Variants in PCSK5 observed in about 807,000 individuals in gnomAD.
PCSK5 encodes the protein proprotein convertase subtilisin/kexin type 5, also known as prohormone convertase 5.
A neutral mutation model predicts 233.2 loss-of-function variants in PCSK5; 129 were observed. The observed-to-expected ratio is 0.55, with a 90% confidence interval of 0.48 to 0.64. The LOEUF is 0.64. Among genes scored for constraint, PCSK5 ranks in the 30% least tolerant of loss-of-function variants. The pLI, the probability that PCSK5 is intolerant of heterozygous loss-of-function variation, is 0.00. For synonymous variants in PCSK5, 825 were observed against 879.2 expected, an observed-to-expected ratio of 0.94 and a Z score of 1.09; for missense variants, 2,076 against 2,430.1, an observed-to-expected ratio of 0.85 and a Z score of 3.06.
chr9:75,926,512 C>A (rs1823496452), intron 1 of PCSK5, among the ~76,000 whole-genome samples: 1 of 152,154 alleles, frequency 6.6e-6, no homozygotes, highest in Non-Finnish European at 1.5e-5. Flanking sequence ...GGAGCTGTTT[C>A]CAGCACACAC....
intron 7 of PCSK5, among the ~76,000 whole-genome samples, chr9:76,094,371 G>A (rs1457437487): frequency 6.6e-6 from 1 of 152,128 alleles, no homozygotes; most frequent in Non-Finnish European, 1.5e-5. Flanking sequence ...TTTGTGACTT[G>A]GGTTCTCACT....
At chr9:76,171,913 T>C (rs1200307460) in intron 13 of PCSK5, among the ~76,000 whole-genome samples, 3 of 152,114 alleles carry the variant, frequency 2.0e-5, no homozygotes, top group Non-Finnish European at 2.9e-5. Flanking sequence ...TAAGGGACTT[T>C]GAGTGTCCTG....
At chr9:75,977,402 C>T (rs927686492) in intron 2 of PCSK5, among the ~76,000 whole-genome samples, 2 of 135,108 alleles carry the variant, frequency 1.5e-5, no homozygotes, top group African/African-American at 2.7e-5. Context: ...CACATATTTC[C>T]AGGTTCTTGA....
At chr9:76,248,377 A>T (rs762215285) in intron 24 of PCSK5, among the ~76,000 whole-genome samples, 4 of 152,184 alleles carry the variant, frequency 2.6e-5, no homozygotes, top group Non-Finnish European at 5.9e-5. Flanking sequence ...GATAATTCCA[A>T]CTCAATTAAT....
chr9:76,051,282 G>T (rs1829620247), intron 5 of PCSK5, among the ~76,000 whole-genome samples: 1 of 152,136 alleles, frequency 6.6e-6, no homozygotes, highest in Admixed American at 6.5e-5. Flanking sequence ...AGGAAAAAAA[G>T]ATTTTGTTAA....
chr9:76,262,641 G>T (rs1358062124), intron 24 of PCSK5, among the ~76,000 whole-genome samples: 1 of 151,290 alleles, frequency 6.6e-6, no homozygotes, highest in African/African-American at 2.4e-5. Flanking sequence ...ATGGATTAAA[G>T]ACTTAAACGT....
intron 6 of PCSK5, among the ~76,000 whole-genome samples, chr9:76,069,019 G>A (rs1467389543): frequency 1.3e-5 from 2 of 152,268 alleles, no homozygotes; most frequent in Non-Finnish European, 1.5e-5. Context: ...ATAGAACTAA[G>A]AAAAGGCTTT....
intron 5 of PCSK5, among the ~76,000 whole-genome samples, chr9:76,056,207 A>G (rs1829813351): frequency 6.6e-6 from 1 of 152,270 alleles, no homozygotes; most frequent in South Asian, 2.1e-4. Flanking sequence ...TTGATAACCT[A>G]TATGTATAAT....
At chr9:75,982,192 T>G (rs1054790763) in intron 2 of PCSK5, among the ~76,000 whole-genome samples, 4 of 152,240 alleles carry the variant, frequency 2.6e-5, no homozygotes, top group Non-Finnish European at 5.9e-5. Flanking sequence ...TGTACTTTAC[T>G]CCATCATACA....
chr9:76,040,373 C>CTGTCTG (rs1563988593), intron 5 of PCSK5, among the ~76,000 whole-genome samples: 18 of 67,464 alleles, frequency 2.7e-4, no homozygotes, highest in African/African-American at 1.3e-3. Flanking sequence ...CTCTCTCTCT[C>CTGTCTG]TCTCTCTCTC....
chr9:76,259,776 T>C (rs1827107340), intron 24 of PCSK5, among the ~76,000 whole-genome samples: 1 of 152,090 alleles, frequency 6.6e-6, no homozygotes, highest in African/African-American at 2.4e-5. Flanking sequence ...TGGTGAATGA[T>C]TTGAAAGCGC....
chr9:76,169,817 AGCT>A lies in PCSK5; in HGVS notation c.1734_1736del (p.Leu579del). 2 of 1,613,634 alleles carry A rather than the reference AGCT, an allele frequency of 1.2e-6. No individual in the cohort carries two copies. Among genetic ancestry groups the A allele is most frequent in the South Asian group, 1.1e-5 (1 of 91,064 alleles). ...CTTGAAGTTTATGATACTCCCTCTCAGCTAAGGAACTTTAAGACTCCAGGTGAG... is the reference window on the plus strand; with the variant it reads ...CTTGAAGTTTATGATACTCCCTCTCAAAGGAACTTTAAGACTCCAGGTGAG... On this transcript the variant is annotated inframe_deletion, in exon 13 of 38. Coordinates refer to ENST00000674117, the MANE Select transcript of PCSK5 (RefSeq NM_001372043.1).
chr9:76,141,564 T>C lies in PCSK5; in HGVS notation c.1312+7352T>C, dbSNP rs534440948. ...ACACAGGTATACATCCATGTGACCA[T>C]CACCACAGTCGAGTTATAGAAACCT... On this transcript the variant is annotated intron_variant, in intron 10 of 37. Transcript: ENST00000674117. 1.5e-3 allele frequency among the ~76,000 whole-genome samples: 234 copies of C among 152,260 alleles called. 1 individual carries two copies. In the South Asian group the frequency reaches 0.017, roughly 11 times the overall value.
intron 3 of PCSK5, among the ~76,000 whole-genome samples, chr9:76,005,449 C>T (rs1827435733): frequency 6.6e-6 from 1 of 152,114 alleles, no homozygotes; most frequent in South Asian, 2.1e-4. Context: ...ATACTATATA[C>T]ACACTTTTTT....
At chr9:76,051,907 A>G (rs1382288330) in intron 5 of PCSK5, among the ~76,000 whole-genome samples, 6 of 152,228 alleles carry the variant, frequency 3.9e-5, no homozygotes, top group African/African-American at 1.4e-4. Context: ...AGAGTTAGAA[A>G]GCTTGAAGAG....
chr9:76,310,677 C>T lies in PCSK5; in HGVS notation c.3710C>T (p.Ala1237Val), dbSNP rs774187431. 1.3e-6 allele frequency: 2 copies of T among 1,593,592 alleles called. No individual in the cohort carries two copies. The highest frequency in any genetic ancestry group is 1.7e-6 in the Non-Finnish European group (2 of 1,172,838). The part of the protein sequence containing the change: ...CPKGAYLLAQ[A>V]CVSSCPQGTW... ...CTAGGTGCATATCTTCTGGCTCAGG[C>T]CTGTGTTTCCTCCTGTCCCCAAGGC... The change falls in exon 30 of 38, where the codon GCC (alanine) becomes GTC (valine). Residue 1237 changes from alanine (A) to valine (V), a missense_variant. Ala to Val is a moderately conservative substitution (Grantham distance 64, BLOSUM62 0). Around this residue, in one of 6 missense-constraint regions of PCSK5, gnomAD observed 1,510 missense variants for 1,538.1 expected, o/e 0.98. Transcript: ENST00000674117.
chr9:75,934,836 C>T (rs1823980026), intron 2 of PCSK5, among the ~76,000 whole-genome samples: 1 of 152,110 alleles, frequency 6.6e-6, no homozygotes, highest in African/African-American at 2.4e-5. Flanking sequence ...CTGCCCGCCT[C>T]AGCCTCCCAA....
intron 2 of PCSK5, among the ~76,000 whole-genome samples, chr9:75,955,384 ACCT>A (rs1161091691): frequency 1.3e-5 from 2 of 151,752 alleles, no homozygotes; most frequent in Non-Finnish European, 2.9e-5. Flanking sequence ...TACCCTTTAA[ACCT>A]CCTCTCACCA....
chr9:76,013,595 G>A (rs1271330336), intron 3 of PCSK5, among the ~76,000 whole-genome samples: 1 of 152,086 alleles, frequency 6.6e-6, no homozygotes, highest in Admixed American at 6.6e-5. Context: ...CTATTTATTT[G>A]TCTTTCTTTC....
Sources: allele counts gnomAD v4.1 joint callset (sites outside exome capture counted in the v4.1 genomes callset), GRCh38; gene constraint gnomAD v4.1.1; regional missense constraint gnomAD v4.1.1; transcripts MANE v1.5; gene names NCBI Gene and HGNC (gene_info 2026-07-23, HGNC 2026-07-21).